CRTAP: variants seen among roughly 807,000 people sequenced by gnomAD.
CRTAP encodes cartilage-associated protein.
CRTAP carries 33 observed loss-of-function variants against 42.7 expected under a neutral mutation model. The ratio of observed to expected loss-of-function variants is 0.77; its 90% CI spans 0.59 to 1.03. The LOEUF (loss-of-function observed/expected upper bound fraction) is 1.03, where lower values mean the gene tolerates loss of function less well. Ranked by LOEUF, CRTAP falls within the 50% of genes least tolerant of loss-of-function variation. The pLI is 0.00. For missense variants in CRTAP, 613 were observed against 533.9 expected, an observed-to-expected ratio of 1.15 and a Z score of -1.46; for synonymous variants, 243 against 217.7, an observed-to-expected ratio of 1.12 and a Z score of -1.02.
chr3:33,142,124 C>T (rs1487532728), intron 6 of CRTAP, among the ~76,000 whole-genome samples: 1 of 152,164 alleles, frequency 6.6e-6, no homozygotes, highest in Non-Finnish European at 1.5e-5. Flanking sequence ...AGGAGGGCCA[C>T]TTAGTAGAGC....
chr3:33,130,709 A>AT (rs954966983), intron 4 of CRTAP, among the ~76,000 whole-genome samples: 2 of 149,982 alleles, frequency 1.3e-5, no homozygotes, highest in African/African-American at 4.9e-5. Flanking sequence ...ATTTTTTGTA[A>AT]TTTTAGTAGA....
Position 33,114,101 on chromosome 3 carries a change from C to T in CRTAP, c.24C>T (p.Ala8=), listed in dbSNP as rs781622392. The change falls in exon 1 of 7, where the codon GCC becomes GCT. Residue 8 remains alanine, a synonymous_variant. Transcript: ENST00000320954. ...CGATGGAGCCGGGGCGCCGGGGGGCCGCGGCGCTGCTAGCGCTGCTGTGCG... is the reference window on the plus strand; with the variant it reads ...CGATGGAGCCGGGGCGCCGGGGGGCTGCGGCGCTGCTAGCGCTGCTGTGCG... MEPGRRG[A]AALLALLCVA... 3.4e-5 allele frequency: 50 copies of T among 1,472,894 alleles called. 2 individuals carry two copies. In the South Asian group the frequency reaches 6.4e-4, roughly 19 times the overall value. The allele number at this position is 1,472,894 out of a possible 1,614,324, so 91.2% of individuals were successfully genotyped here. A position where few individuals can be genotyped will look rare whatever the true frequency, so the allele number is the denominator to read the frequency against.
rs2030723346 is a variant in CRTAP, at chr3:33,146,358, A to T, written c.*3910A>T. ...GCCCATCGTGGTGGGGCATCTGTCC[A>T]GCCCCATTGCCACTCAGGGCATCCA... On this transcript the variant is annotated 3_prime_UTR_variant, in exon 7 of 7. Transcript: ENST00000320954. 6.6e-6 allele frequency: 1 copy of T among 152,366 alleles called. No individual in the cohort carries two copies. Among genetic ancestry groups the T allele is most frequent in the South Asian group, 2.1e-4 (1 of 4,838 alleles). The allele number at this position is 152,366 out of a possible 1,614,324, so 9.4% of individuals were successfully genotyped here. A position where few individuals can be genotyped will look rare whatever the true frequency, so the allele number is the denominator to read the frequency against.
chr3:33,117,807 C>G (rs1018200809), intron 1 of CRTAP, among the ~76,000 whole-genome samples: 1 of 152,170 alleles, frequency 6.6e-6, no homozygotes, highest in Non-Finnish European at 1.5e-5. Context: ...GGTTTGGTAG[C>G]CAAGATGTGT....
intron 3 of CRTAP, among the ~76,000 whole-genome samples, chr3:33,126,471 T>C (rs925371540): frequency 9.9e-5 from 15 of 152,224 alleles, no homozygotes; most frequent in Non-Finnish European, 2.1e-4. Flanking sequence ...ATGTAGAGGC[T>C]TGAACAGGCT....
In CRTAP at chr3:33,142,792, T is replaced by G. The variant is rs1464840309; in HGVS notation, c.*344T>G. 7.7e-6 allele frequency: 2 copies of G among 261,048 alleles called. No homozygotes were observed. The highest frequency in any genetic ancestry group is 1.5e-5 in the Non-Finnish European group (2 of 132,130). 16.2% of individuals were successfully genotyped at this position (261,048 alleles called of 1,614,324 possible). ...GCATCAGCCTCCCGAGTACCTGGGATTACAGGCATGTGCCACCACGCCCGG... is the reference window on the plus strand; with the variant it reads ...GCATCAGCCTCCCGAGTACCTGGGAGTACAGGCATGTGCCACCACGCCCGG... On this transcript the variant is annotated 3_prime_UTR_variant, in exon 7 of 7. Transcript: ENST00000320954.
chr3:33,119,834 G>A (rs1701394445), intron 1 of CRTAP, among the ~76,000 whole-genome samples: 1 of 152,182 alleles, frequency 6.6e-6, no homozygotes, highest in Admixed American at 6.5e-5. Flanking sequence ...AGGCCAAAAG[G>A]GGCAGGGGAG....
At chr3:33,121,799 C>G (rs573345154) in intron 2 of CRTAP, among the ~76,000 whole-genome samples, 3 of 152,264 alleles carry the variant, frequency 2.0e-5, no homozygotes, top group African/African-American at 4.8e-5. Context: ...GAATAAACTG[C>G]CACTCTCTGG....
intron 6 of CRTAP, among the ~76,000 whole-genome samples, chr3:33,140,963 C>T (rs1208278871): frequency 6.6e-6 from 1 of 152,078 alleles, no homozygotes; most frequent in Non-Finnish European, 1.5e-5. Context: ...TCTTCGTTGC[C>T]AGGAAGGGCT....
At chr3:33,126,261 G>A (rs780163768) in intron 3 of CRTAP, among the ~76,000 whole-genome samples, 4 of 152,216 alleles carry the variant, frequency 2.6e-5, no homozygotes, top group African/African-American at 4.8e-5. Flanking sequence ...TTGGCATAAT[G>A]TCCTCGTTTC....
intron 5 of CRTAP, among the ~76,000 whole-genome samples, chr3:33,133,657 A>T (rs2030338145): frequency 1.4e-5 from 1 of 72,874 alleles, no homozygotes; most frequent in Non-Finnish European, 2.8e-5. Context: ...TAGTTTTACA[A>T]CTTTTTGCAA....
rs2030684985 is a variant in CRTAP, at chr3:33,145,061, G to T, written c.*2613G>T. 1 of 152,212 alleles carries T rather than the reference G, an allele frequency of 6.6e-6. No individual in the cohort carries two copies. The highest frequency in any genetic ancestry group is 2.4e-5 in the African/African-American group (1 of 41,426). The allele number at this position is 152,212 out of a possible 1,614,324, so 9.4% of individuals were successfully genotyped here. A position where few individuals can be genotyped will look rare whatever the true frequency, so the allele number is the denominator to read the frequency against. ...TTTTGTGTAATGGTGGTTAATTGGG[G>T]TGGAACACTCACACGTTGTGCTTTT... On this transcript the variant is annotated 3_prime_UTR_variant, in exon 7 of 7. Transcript: ENST00000320954. The surrounding 1 kb of genome is among the most constrained non-coding windows in gnomAD (Gnocchi z 4.3).
intron 1 of CRTAP, among the ~76,000 whole-genome samples, chr3:33,118,051 C>G (rs527276233): frequency 6.6e-6 from 1 of 152,172 alleles, no homozygotes; most frequent in African/African-American, 2.4e-5. Context: ...ACCTCCGCCC[C>G]CCGGGTTCAA....
chr3:33,124,706 G>C, intron 3 of CRTAP, 127 bp downstream of exon 3: 1 of 1,025,270 alleles, frequency 9.8e-7, no homozygotes, highest in South Asian at 1.3e-5. Flanking sequence ...ACTTATTAAC[G>C]GGTAACTGAG....
At position 33,147,631 on chromosome 3, in the gene CRTAP, C is replaced by G. The variant is rs1284480065; in HGVS notation, c.*5183C>G. On this transcript the variant is annotated 3_prime_UTR_variant, in exon 7 of 7. Coordinates refer to ENST00000320954, the MANE Select transcript of CRTAP (RefSeq NM_006371.5). ...AGCCAGTAGGCCAAACTCCAAAGACCGTTGCTGATGTCTTTTTCTGCCTCC... is the reference window on the plus strand; with the variant it reads ...AGCCAGTAGGCCAAACTCCAAAGACGGTTGCTGATGTCTTTTTCTGCCTCC... 1 of 152,200 alleles carries G rather than the reference C, an allele frequency of 6.6e-6. No individual in the cohort carries two copies. 9.4% of individuals were successfully genotyped at this position (152,200 alleles called of 1,614,324 possible).
intron 1 of CRTAP, among the ~76,000 whole-genome samples, chr3:33,116,138 T>C (rs896281537): frequency 6.6e-6 from 1 of 152,184 alleles, no homozygotes; most frequent in African/African-American, 2.4e-5. Flanking sequence ...TAGAGAATAC[T>C]AGAACCTCTG....
intron 6 of CRTAP, among the ~76,000 whole-genome samples, chr3:33,137,162 CAG>C (rs1397647994): frequency 5.3e-5 from 8 of 151,954 alleles, no homozygotes; most frequent in African/African-American, 1.9e-4. Flanking sequence ...CTTTTTGAGA[CAG>C]AGTTTTGCTC....
At chr3:33,131,172 A>T (rs2030249943) in intron 4 of CRTAP, among the ~76,000 whole-genome samples, 1 of 150,824 alleles carries the variant, frequency 6.6e-6, no homozygotes, top group Non-Finnish European at 1.5e-5. Flanking sequence ...CACACTCAGG[A>T]GTGGCTGGTC....
At chr3:33,129,199 A>G (rs1407428603) in intron 3 of CRTAP, among the ~76,000 whole-genome samples, 2 of 152,156 alleles carry the variant, frequency 1.3e-5, no homozygotes, top group Non-Finnish European at 2.9e-5. Context: ...CCTTTGATAA[A>G]TTTTGCCAAA....
Sources: gnomAD v4.1 joint callset for allele counts (sites outside exome capture counted in the v4.1 genomes callset) on GRCh38, gnomAD v4.1.1 for gene constraint, Gnocchi (gnomAD v3.1) non-coding constraint, MANE v1.5 for transcripts, NCBI Gene and HGNC (gene_info 2026-07-23, HGNC 2026-07-21) for gene names.